The following ZBTB25 variants were observed in gnomAD, a reference collection of about 807,000 sequenced individuals.
ZBTB25 encodes the protein zinc finger and BTB domain-containing protein 25.
Under a neutral mutation model 34.2 loss-of-function variants are expected in ZBTB25, and 20 were observed. That is an observed-to-expected ratio of 0.58 (90% CI 0.41 to 0.85). ZBTB25 has a LOEUF of 0.85. Ranked by LOEUF, ZBTB25 falls within the 40% of genes least tolerant of loss-of-function variation. The pLI, the probability that ZBTB25 is intolerant of heterozygous loss-of-function variation, is 0.00. For missense variants in ZBTB25, 437 were observed against 521.8 expected (o/e 0.84, Z 1.58); for synonymous variants, 175 against 186.4 (o/e 0.94, Z 0.50).
At chr14:64,497,095 T>G (rs1273321755) in intron 1 of ZBTB25, among the ~76,000 whole-genome samples, 1 of 152,160 alleles carries the variant, frequency 6.6e-6, no homozygotes, top group Non-Finnish European at 1.5e-5. Flanking sequence ...TTGGCAGATT[T>G]TGCAAATATG....
exon 3 of ZBTB25, chr14:64,449,398 CT>C: frequency 1.3e-6 from 2 of 1,594,088 alleles, no homozygotes; most frequent in Non-Finnish European, 1.7e-6. Context: ...ACAATTCTGT[CT>C]CTCCAGCCAT....
At chr14:64,489,202 CATGCCACTGCACTTCAGCCTGG>C (rs1481965629) in intron 2 of ZBTB25, among the ~76,000 whole-genome samples, 2 of 152,014 alleles carry the variant, frequency 1.3e-5, no homozygotes, top group African/African-American at 4.8e-5. Context: ...GAGCTGAGAT[CATGCCACTGCACTTCAGCCTGG>C]GCACCACTGC....
intron 2 of ZBTB25, chr14:64,457,889 G>C (rs978551859): frequency 8.8e-5 from 35 of 397,268 alleles, no homozygotes; most frequent in Non-Finnish European, 1.3e-4. Context: ...AAGGAAAAGT[G>C]AAAGTAAAGA....
intron 2 of ZBTB25, among the ~76,000 whole-genome samples, chr14:64,463,870 G>C (rs1208020264): frequency 6.6e-6 from 1 of 152,116 alleles, no homozygotes; most frequent in Non-Finnish European, 1.5e-5. Context: ...TGCTAGTTTT[G>C]AGAAACCTTG....
chr14:64,465,260 G>T (rs999043306), intron 2 of ZBTB25, among the ~76,000 whole-genome samples: 1 of 151,108 alleles, frequency 6.6e-6, no homozygotes, highest in African/African-American at 2.4e-5. Context: ...GCTCTCTTGC[G>T]GTCCCCGCCT....
chr14:64,449,912 C>T (rs1395325966), intron 2 of ZBTB25, among the ~76,000 whole-genome samples: 3 of 152,238 alleles, frequency 2.0e-5, no homozygotes, highest in Admixed American at 2.0e-4. Context: ...CCTCAGCTTC[C>T]CAAGTAGCTG....
exon 3 of ZBTB25, chr14:64,449,467 G>T: frequency 6.2e-7 from 1 of 1,613,698 alleles, no homozygotes; most frequent in Non-Finnish European, 8.5e-7. Context: ...GTCTGAGCTG[G>T]ACCTCATCAG....
downstream of ZBTB25, among the ~76,000 whole-genome samples, chr14:64,477,266 C>T (rs577319953): frequency 3.8e-4 from 58 of 152,308 alleles, no homozygotes; most frequent in African/African-American, 1.3e-3. Flanking sequence ...AATCGAGGCA[C>T]CCCCTAGCAC....
At chr14:64,473,779 T>TA (rs553437082), downstream of ZBTB25, 23 of 166,312 alleles carry the variant, frequency 1.4e-4, no homozygotes, top group South Asian at 6.2e-4. Context: ...TTTGTGCATT[T>TA]AAAAAAAAAT....
chr14:64,449,788 C>G, intron 2 of ZBTB25: 1 of 812,626 alleles, frequency 1.2e-6, no homozygotes, highest in Non-Finnish European at 2.0e-6. Context: ...CAGCTGTAGA[C>G]AGCCTTCTTT....
In ZBTB25 at chr14:64,485,697, C is replaced by T. The variant is rs2078851090; in HGVS notation, c.*1226G>A. 1.0e-6 allele frequency: 1 copy of T among 985,196 alleles called. No homozygotes were observed. The allele number at this position is 985,196 out of a possible 1,614,324, so 61.0% of individuals were successfully genotyped here. On this transcript the variant is annotated 3_prime_UTR_variant, in exon 3 of 3. Transcript: ENST00000608382. ...TGAAAACTGTGCCACTGAAAAATTA[C>T]TTTTTCAGTGATTTTTAGAAAATTA...
In ZBTB25 at chr14:64,478,792, AAAT is replaced by A. The variant is rs2078745005; in HGVS notation, c.*8128_*8130del. The A allele has an allele frequency of 6.6e-6, 1 of 152,222 alleles. No individual in the cohort carries two copies. 9.4% of individuals were successfully genotyped at this position (152,222 alleles called of 1,614,324 possible). A position where few individuals can be genotyped will look rare whatever the true frequency, so the allele number is the denominator to read the frequency against. On this transcript the variant is annotated 3_prime_UTR_variant, in exon 3 of 3. Coordinates refer to ENST00000608382, the MANE Select transcript of ZBTB25 (RefSeq NM_006977.5). Reference sequence around the variant, plus strand: ...CATGATCCAAAAGTAGCTAAGCCCTAAATAATATTTACTATTAATAGTAATGCT... The same window carrying A: ...CATGATCCAAAAGTAGCTAAGCCCTAAATATTTACTATTAATAGTAATGCT...
chr14:64,451,729 A>T (rs1231161484), intron 2 of ZBTB25, among the ~76,000 whole-genome samples: 1 of 152,240 alleles, frequency 6.6e-6, no homozygotes, highest in African/African-American at 2.4e-5. Context: ...TCTGGCAAAC[A>T]GGAGGCTGCC....
downstream of ZBTB25, among the ~76,000 whole-genome samples, chr14:64,475,491 C>T (rs1167291167): frequency 2.6e-5 from 4 of 151,594 alleles, no homozygotes; most frequent in Non-Finnish European, 4.4e-5. Context: ...AAAAAAGATA[C>T]ACTACACTTC....
At chr14:64,461,429 A>C (rs2078553349) in intron 2 of ZBTB25, 1 of 152,146 alleles carries the variant, frequency 6.6e-6, no homozygotes, top group African/African-American at 2.4e-5. Context: ...CTACCTCGTG[A>C]GGGCGGTTCT....
rs200123752 is a variant in ZBTB25 at position 64,469,076 on chromosome 14, C to G, written c.174-19438G>C. The G allele has an allele frequency of 3.7e-6, 6 of 1,614,024 alleles. No homozygotes were observed. The East Asian group carries it at 1.3e-4, about 36-fold the overall frequency. On this transcript the variant is annotated intron_variant, in intron 2 of 2. Transcript: ENST00000555220. ...GCATTCTGCTATTCAAACGGGAACTCTAATCCTTGAAGAAATTGAAACGAT... is the reference window on the plus strand; with the variant it reads ...GCATTCTGCTATTCAAACGGGAACTGTAATCCTTGAAGAAATTGAAACGAT...
intron 1 of ZBTB25, among the ~76,000 whole-genome samples, chr14:64,492,805 GA>G (rs1276817157): frequency 6.6e-6 from 1 of 152,070 alleles, no homozygotes; most frequent in East Asian, 1.9e-4. Flanking sequence ...ATTTAATAAA[GA>G]AAAAATGTGT....
intron 2 of ZBTB25, chr14:64,454,594 A>G: frequency 2.7e-6 from 2 of 751,992 alleles, no homozygotes; most frequent in Non-Finnish European, 4.6e-6. Flanking sequence ...ACAGCAAGAT[A>G]GAGATGTATA....
intron 2 of ZBTB25, among the ~76,000 whole-genome samples, chr14:64,488,460 T>C (rs1190742683): frequency 6.6e-6 from 1 of 152,174 alleles, no homozygotes; most frequent in Non-Finnish European, 1.5e-5. Context: ...AACAGATACC[T>C]GTATGCCAAT....
Sources: gnomAD v4.1 joint callset for allele counts (sites outside exome capture counted in the v4.1 genomes callset) on GRCh38, gnomAD v4.1.1 for gene constraint, MANE v1.5 for transcripts, NCBI Gene and HGNC (gene_info 2026-07-23, HGNC 2026-07-21) for gene names.